The following EPHA8 variants were observed in gnomAD, a reference collection of about 807,000 sequenced individuals.
EPHA8 encodes the protein EPH receptor A8.
In EPHA8, 58 loss-of-function variants were observed where a neutral mutation model predicts 103.6. The ratio of observed to expected loss-of-function variants is 0.56; its 90% CI spans 0.45 to 0.70. The LOEUF (loss-of-function observed/expected upper bound fraction) is 0.70, where lower values mean the gene tolerates loss of function less well. Ranked by LOEUF, EPHA8 falls within the 30% of genes least tolerant of loss-of-function variation. The probability of loss-of-function intolerance (pLI) is 0.00; values close to 1 mark genes in which losing one functional copy is unlikely to be tolerated. For synonymous variants in EPHA8, 559 were observed against 572.5 expected (o/e 0.98, Z 0.34); for missense variants, 1,304 against 1,395.2 (o/e 0.93, Z 1.04).
chr1:22,576,151 G>A lies in EPHA8; in HGVS notation c.160-66G>A. The A allele has an allele frequency of 6.5e-7, 1 of 1,528,676 alleles. No individual in the cohort carries two copies. Among genetic ancestry groups the A allele is most frequent in the African/African-American group, 1.4e-5 (1 of 72,452 alleles). 94.7% of individuals were successfully genotyped at this position (1,528,676 alleles called of 1,614,324 possible). A position where few individuals can be genotyped will look rare whatever the true frequency, so the allele number is the denominator to read the frequency against. On this transcript the variant is annotated intron_variant, in intron 2 of 16. Coordinates refer to ENST00000166244, the MANE Select transcript of EPHA8 (RefSeq NM_020526.5). This position sits in a 1 kb window ranked among gnomAD's most constrained non-coding sequence, Gnocchi z 4.8. ...GCCAGCGTCCCCAGCACAGAACACA[G>A]GGTCATTGGCAAAAGAGGGTGAGGT... is the stretch of plus-strand genomic sequence containing the variant.
chr1:22,573,253 G>A (rs1640593116), intron 2 of EPHA8, among the ~76,000 whole-genome samples: 1 of 152,126 alleles, frequency 6.6e-6, no homozygotes, highest in African/African-American at 2.4e-5. Flanking sequence ...GGCGCGGTAG[G>A]CTGTGAAGAT....
chr1:22,590,255 G>T (rs1156762705), intron 5 of EPHA8, among the ~76,000 whole-genome samples: 2 of 152,172 alleles, frequency 1.3e-5, no homozygotes, highest in African/African-American at 4.8e-5. Flanking sequence ...CCCCTGGCAG[G>T]CTGGTCCCAA....
chr1:22,578,599 A>T (rs549700406), intron 3 of EPHA8, among the ~76,000 whole-genome samples: 1 of 146,586 alleles, frequency 6.8e-6, no homozygotes, highest in African/African-American at 2.5e-5. Context: ...GCGTGTGTGC[A>T]TGTGTGCATG....
chr1:22,601,696 G>C lies in EPHA8; in HGVS notation c.2973G>C (p.Met991Ile), dbSNP rs1327935510. Residue 991 changes from methionine to isoleucine, a missense_variant, in exon 17 of 17, where the codon ATG becomes ATC. Transcript: ENST00000166244. ...AGATCCTGGGCAGCATTCAGACCATGCGGGCCCAGCTGACCAGCACCCAGG... is the reference window on the plus strand; with the variant it reads ...AGATCCTGGGCAGCATTCAGACCATCCGGGCCCAGCTGACCAGCACCCAGG... ...QKKILGSIQTMRAQLTSTQGP... is the reference protein window; with the variant it reads ...QKKILGSIQTIRAQLTSTQGP... 6.3e-7 allele frequency: 1 copy of C among 1,582,830 alleles called. No individual in the cohort carries two copies. The highest frequency in any genetic ancestry group is 1.7e-5 in the Admixed American group (1 of 57,202).
In EPHA8 at chr1:22,598,777, C is replaced by T. The variant is rs897280386; in HGVS notation, c.2179-61C>T. On this transcript the variant is annotated intron_variant, in intron 12 of 16. Coordinates refer to ENST00000166244, the MANE Select transcript of EPHA8 (RefSeq NM_020526.5). The surrounding 1 kb of genome is among the most constrained non-coding windows in gnomAD (Gnocchi z 5.1). ...AGCATCCTACAGATGGGAGGTGTTC[C>T]TGTTCACGGACCAGGCGCCTCGCCG... The T allele has an allele frequency of 1.9e-6, 3 of 1,553,556 alleles. No individual in the cohort carries two copies. In the South Asian group the frequency reaches 3.4e-5, roughly 18 times the overall value.
In EPHA8 at chr1:22,589,185, A is replaced by G. The variant is rs150196251; in HGVS notation, c.1294A>G (p.Asn432Asp). 3,274 of 1,613,968 alleles carry G rather than the reference A, an allele frequency of 2.0e-3. 4 individuals carry two copies. Among genetic ancestry groups the G allele is most frequent in the Non-Finnish European group, 2.5e-3 (2,984 of 1,180,000 alleles). The change falls in exon 5 of 17, where the codon AAC becomes GAC. Residue 432 changes from asparagine (N) to aspartate (D), a missense_variant. Physicochemically the swap from Asn to Asp is conservative, Grantham distance 23. Coordinates refer to ENST00000166244, the MANE Select transcript of EPHA8 (RefSeq NM_020526.5). The surrounding 1 kb of genome is among the most constrained non-coding windows in gnomAD (Gnocchi z 4.3). Reference protein sequence around the residue: ...SPEPRRAAVVNITTNQAAPSQ... With the variant: ...SPEPRRAAVVDITTNQAAPSQ... ...CGAGCCCCGCCGGGCCGCTGTGGTC[A>G]ACATCACCACGAACCAGGCAGGTAG...
In EPHA8 at chr1:22,597,446, A is replaced by C; in HGVS notation, c.1900A>C (p.Arg634=). 1 of 1,613,414 alleles carries C rather than the reference A, an allele frequency of 6.2e-7. No homozygotes were observed. Among genetic ancestry groups the C allele is most frequent in the Non-Finnish European group, 8.5e-7 (1 of 1,179,942 alleles). ...TTTCACTCGGGAGATCGAGGCCTCT[A>C]GGATCCACATCGAGAAAATCATCGG... ...RSFTREIEAS[R]IHIEKIIGSG... is the part of the protein sequence containing the mutation. The change falls in exon 10 of 17, where the codon AGG becomes CGG. Residue 634 remains arginine, a synonymous_variant. Coordinates refer to ENST00000166244, the MANE Select transcript of EPHA8 (RefSeq NM_020526.5). This position sits in a 1 kb window ranked among gnomAD's most constrained non-coding sequence, Gnocchi z 4.6.
chr1:22,601,461 G>T lies in EPHA8; in HGVS notation c.2891G>T (p.Arg964Leu). ...GGYSSLGMVL[R>L]MNAQDVRALG... ...TACTCCTCTCTGGGCATGGTGCTAC[G>T]CATGAACGCCCAGTGAGTGATGGGT... Residue 964 changes from arginine to leucine, a missense_variant, in exon 16 of 17, where the codon CGC becomes CTC. By Grantham distance (102) the Arg-to-Leu change is moderately radical. Transcript: ENST00000166244. 6.2e-7 allele frequency: 1 copy of T among 1,609,806 alleles called. No homozygotes were observed. The highest frequency in any genetic ancestry group is 8.5e-7 in the Non-Finnish European group (1 of 1,179,750).
In EPHA8 at chr1:22,593,600, C is replaced by T. The variant is rs1641435042; in HGVS notation, c.1517C>T (p.Thr506Ile). ...RATVSGLKPG[T>I]RYVFQVRART... is the part of the protein sequence containing the mutation. ...ACCGTCTCCGGCCTCAAGCCGGGCA[C>T]CCGCTACGTGTTCCAGGTCCGAGCC... Residue 506 changes from threonine to isoleucine, a missense_variant, in exon 7 of 17, where the codon ACC becomes ATC. By Grantham distance (89) the Thr-to-Ile change is moderately conservative. Transcript: ENST00000166244. The T allele has an allele frequency of 6.2e-7, 1 of 1,611,644 alleles. No homozygotes were observed.
rs1344590483 is a variant in EPHA8, at chr1:22,597,540, G to T, written c.1930+64G>T. ...GCAAGGTGGGGGCACCCAGGGCAAG[G>T]TGGGGGCACCCAGGGCAGAGGGAGC... On this transcript the variant is annotated intron_variant, in intron 10 of 16. Transcript: ENST00000166244. The surrounding 1 kb of genome is among the most constrained non-coding windows in gnomAD (Gnocchi z 4.6). 7 of 1,582,490 alleles carry T rather than the reference G, an allele frequency of 4.4e-6. No individual in the cohort carries two copies. Among genetic ancestry groups the T allele is most frequent in the Middle Eastern group, 1.7e-4 (1 of 5,940 alleles).
chr1:22,596,111 G>A lies in EPHA8; in HGVS notation c.1703G>A (p.Cys568Tyr), dbSNP rs767538683. 1 of 1,613,904 alleles carries A rather than the reference G, an allele frequency of 6.2e-7. No homozygotes were observed. The highest frequency in any genetic ancestry group is 8.5e-7 in the Non-Finnish European group (1 of 1,179,972). ...GGCGGTGCCCTCCTCTGCAGGCACTGTGGCTACAGCAAGGCCTTCCAGGAC... is the reference window on the plus strand; with the variant it reads ...GGCGGTGCCCTCCTCTGCAGGCACTATGGCTACAGCAAGGCCTTCCAGGAC... ...LLLLICKKRHCGYSKAFQDSD... is the reference protein window; with the variant it reads ...LLLLICKKRHYGYSKAFQDSD... Residue 568 changes from cysteine (C) to tyrosine (Y), a missense_variant, in exon 9 of 17, where the codon TGT (cysteine) becomes TAT (tyrosine). By Grantham distance (194) the Cys-to-Tyr change is radical. Transcript: ENST00000166244.
chr1:22,591,428 C>T (rs1275435446), intron 5 of EPHA8, among the ~76,000 whole-genome samples: 1 of 149,550 alleles, frequency 6.7e-6, no homozygotes, highest in Non-Finnish European at 1.5e-5. Flanking sequence ...CCTATATTTC[C>T]CAGGCTGATC....
chr1:22,600,540 G>C lies in EPHA8; in HGVS notation c.2389-121G>C, dbSNP rs1294143326. 6 of 1,340,686 alleles carry C rather than the reference G, an allele frequency of 4.5e-6. No homozygotes were observed. The East Asian group carries it at 1.2e-4, about 26-fold the overall frequency. The allele number at this position is 1,340,686 out of a possible 1,614,324, so 83.0% of individuals were successfully genotyped here. On this transcript the variant is annotated intron_variant, in intron 13 of 16. Transcript: ENST00000166244. ...AGGACAGGTGCTCTGGGACGGTGGG[G>C]GCTGTGTTGTCCCTCTGGACTGGAA...
intron 13 of EPHA8, 42 bp downstream of exon 13, chr1:22,599,089 G>C (rs1465613317): frequency 6.4e-7 from 1 of 1,551,408 alleles, no homozygotes; most frequent in East Asian, 2.4e-5. Flanking sequence ...GGGGAGTGGG[G>C]AGATGGCGCC....
At chr1:22,577,424 G>T (rs1033423765) in intron 3 of EPHA8, among the ~76,000 whole-genome samples, 4 of 152,176 alleles carry the variant, frequency 2.6e-5, no homozygotes. Context: ...CAGAGTTGGT[G>T]CTCGAAACCG....
intron 7 of EPHA8, 150 bp downstream of exon 7, chr1:22,593,836 G>A: frequency 9.8e-7 from 1 of 1,020,582 alleles, no homozygotes; most frequent in Non-Finnish European, 1.4e-6. Context: ...GGTTGTCGGA[G>A]TTTTTTATTT....
intron 2 of EPHA8, among the ~76,000 whole-genome samples, chr1:22,573,179 G>A (rs1474101414): frequency 6.6e-6 from 1 of 152,202 alleles, no homozygotes; most frequent in African/African-American, 2.4e-5. Flanking sequence ...TCTTTCAGGT[G>A]AGGCTGGCGC....
chr1:22,586,996 G>T (rs1641231196), intron 4 of EPHA8, among the ~76,000 whole-genome samples: 1 of 152,288 alleles, frequency 6.6e-6, no homozygotes, highest in Non-Finnish European at 1.5e-5. Context: ...GAGGGTGAGG[G>T]TTAGGGCAGC....
rs558378088 is a variant in EPHA8 at position 22,576,114 on chromosome 1, G to A, written c.160-103G>A. The stretch of plus-strand genomic sequence containing the variant: ...TAGCCACCAGGAGGCCAGCTCCTTT[G>A]TCTTTTTTTTTGCCAGCGTCCCCAG... On this transcript the variant is annotated intron_variant, in intron 2 of 16. Coordinates refer to ENST00000166244, the MANE Select transcript of EPHA8 (RefSeq NM_020526.5). The surrounding 1 kb of genome is among the most constrained non-coding windows in gnomAD (Gnocchi z 4.8). 1 of 1,380,768 alleles carries A rather than the reference G, an allele frequency of 7.2e-7. No homozygotes were observed. Among genetic ancestry groups the A allele is most frequent in the East Asian group, 2.3e-5 (1 of 43,144 alleles). 85.5% of individuals were successfully genotyped at this position (1,380,768 alleles called of 1,614,324 possible).
Sources: gnomAD v4.1 joint callset for allele counts (sites outside exome capture counted in the v4.1 genomes callset) on GRCh38, gnomAD v4.1.1 for gene constraint, Gnocchi (gnomAD v3.1) non-coding constraint, MANE v1.5 for transcripts, NCBI Gene and HGNC (gene_info 2026-07-23, HGNC 2026-07-21) for gene names.